Variants in DCTN4 observed in about 807,000 individuals in gnomAD.
The protein encoded by DCTN4 is dynactin 4 (p62).
DCTN4 carries 23 observed loss-of-function variants against 62.7 expected under a neutral mutation model. The observed-to-expected ratio is 0.37, with a 90% CI of 0.26 to 0.52. The LOEUF is 0.52. Among genes scored for constraint, DCTN4 ranks in the 20% least tolerant of loss-of-function variants. DCTN4 has a pLI of 0.92. For synonymous variants in DCTN4, 199 were observed against 202.1 expected, an observed-to-expected ratio of 0.98 and a Z score of 0.13; for missense variants, 514 against 580.4, an observed-to-expected ratio of 0.89 and a Z score of 1.18.
At chr5:150,752,116 T>G (rs1294275945) in intron 3 of DCTN4, among the ~76,000 whole-genome samples, 3 of 152,098 alleles carry the variant, frequency 2.0e-5, no homozygotes, top group African/African-American at 7.2e-5. Flanking sequence ...AAATACGGAG[T>G]TAGTGATGCT....
chr5:150,716,510 T>C (rs578194674), intron 11 of DCTN4, among the ~76,000 whole-genome samples: 56 of 152,258 alleles, frequency 3.7e-4, no homozygotes, highest in Non-Finnish European at 6.0e-4. Flanking sequence ...AATTTCTAAT[T>C]ATAGATACAA....
At chr5:150,745,330 A>G (rs2113117198) in intron 3 of DCTN4, among the ~76,000 whole-genome samples, 1 of 151,578 alleles carries the variant, frequency 6.6e-6, no homozygotes, top group East Asian at 1.9e-4. Context: ...AGACTCCCAC[A>G]CAATAATAAT....
At chr5:150,753,143 G>C (rs957906860) in intron 3 of DCTN4, among the ~76,000 whole-genome samples, 1 of 152,212 alleles carries the variant, frequency 6.6e-6, no homozygotes, top group Admixed American at 6.5e-5. Flanking sequence ...GGGATTACAG[G>C]CGTGAGCCAC....
At chr5:150,744,530 C>A (rs931673533) in intron 3 of DCTN4, among the ~76,000 whole-genome samples, 1 of 152,256 alleles carries the variant, frequency 6.6e-6, no homozygotes, top group Middle Eastern at 3.4e-3. Flanking sequence ...ACTTAAAGGG[C>A]AGCCAGAGAG....
At chr5:150,740,385 TA>T (rs79972006) in intron 4 of DCTN4, among the ~76,000 whole-genome samples, 220 of 142,726 alleles carry the variant, frequency 1.5e-3, no homozygotes, top group Admixed American at 1.4e-3. Flanking sequence ...TGGCCTTAAT[TA>T]AAAAAAAAAA....
intron 9 of DCTN4, 74 bp from the exon 10 acceptor site, chr5:150,719,844 G>A: frequency 1.1e-6 from 1 of 931,128 alleles, no homozygotes; most frequent in Non-Finnish European, 1.7e-6. Context: ...TAAAGCTAGT[G>A]CAGTACATAA....
rs1759549778 is a variant in DCTN4, at chr5:150,711,227, A to G, written c.1305T>C (p.Ile435=). The G allele has an allele frequency of 6.2e-7, 1 of 1,612,914 alleles. No homozygotes were observed. Among genetic ancestry groups the G allele is most frequent in the East Asian group, 2.2e-5 (1 of 44,886 alleles). The part of the protein sequence containing the change: ...FKNLAAPIRP[I]EESDQGTEVI... Reference sequence around the variant, plus strand: ...CTTCTGTTCCCTGGTCACTTTCTTCAATGGGGCGAATGGGGGCTGCCAGGT... The same window carrying G: ...CTTCTGTTCCCTGGTCACTTTCTTCGATGGGGCGAATGGGGGCTGCCAGGT... The change falls in exon 13 of 13, where the codon ATT becomes ATC. Residue 435 remains isoleucine (I), a synonymous_variant. Transcript: ENST00000447998.
Position 150,740,686 on chromosome 5 carries a change from T to C in DCTN4, c.429+1428A>G, listed in dbSNP as rs536045383. Among the ~76,000 whole-genome samples the C allele has an allele frequency of 6.6e-4, 101 of 152,284 alleles. 1 individual carries two copies. The highest frequency in any genetic ancestry group is 2.3e-3 in the African/African-American group (94 of 41,544). On this transcript the variant is annotated intron_variant, in intron 4 of 12. Coordinates refer to ENST00000447998, the MANE Select transcript of DCTN4 (RefSeq NM_016221.4). Reference sequence around the variant, plus strand: ...AATCAATGAGTGGATAAAGAATATGTGGTATGTATACACCATGGAATACTA... The same window carrying C: ...AATCAATGAGTGGATAAAGAATATGCGGTATGTATACACCATGGAATACTA...
At chr5:150,753,040 A>T (rs1048720973) in intron 3 of DCTN4, among the ~76,000 whole-genome samples, 1 of 151,480 alleles carries the variant, frequency 6.6e-6, no homozygotes, top group African/African-American at 2.4e-5. Context: ...TAATTTTTGT[A>T]TTTTTTAGTA....
At chr5:150,731,536 C>T (rs1199471637) in intron 5 of DCTN4, 47 bp from the exon 6 acceptor site, 2 of 1,453,916 alleles carry the variant, frequency 1.4e-6, no homozygotes, top group African/African-American at 1.4e-5. Flanking sequence ...CTTTTACACA[C>T]CCTATTTATC....
rs757533708 is a variant in DCTN4 at position 150,742,150 on chromosome 5, G to A, written c.393C>T (p.Gly131=). The A allele has an allele frequency of 6.1e-5, 98 of 1,613,292 alleles. No individual in the cohort carries two copies. Among genetic ancestry groups the A allele is most frequent in the Non-Finnish European group, 7.9e-5 (93 of 1,179,580 alleles). Residue 131 remains glycine (G), a synonymous_variant, in exon 4 of 13, where the codon GGC becomes GGT. Transcript: ENST00000447998. The part of the protein sequence containing the change: ...VGMADKSVAS[G]GWQEPENPHT... The stretch of plus-strand genomic sequence containing the variant: ...GAGGATTTTCAGGTTCCTGCCAACC[G>A]CCACTAGCTACAAAATAAAAGAATA...
At chr5:150,718,806 T>A (rs1270065862) in intron 10 of DCTN4, among the ~76,000 whole-genome samples, 1 of 152,130 alleles carries the variant, frequency 6.6e-6, no homozygotes, top group African/African-American at 2.4e-5. Flanking sequence ...AAAAACTTTT[T>A]AAAATTTTTA....
intron 12 of DCTN4, among the ~76,000 whole-genome samples, chr5:150,714,765 A>G (rs1314667923): frequency 6.6e-6 from 1 of 152,064 alleles, no homozygotes; most frequent in Non-Finnish European, 1.5e-5. Context: ...CTTTGCCATC[A>G]CGAGATGCCA....
chr5:150,722,321 T>C (rs1170886455), intron 9 of DCTN4, among the ~76,000 whole-genome samples: 1 of 152,208 alleles, frequency 6.6e-6, no homozygotes, highest in Non-Finnish European at 1.5e-5. Context: ...AAAAGTATGA[T>C]GAGATATGAA....
chr5:150,723,263 C>T (rs1249126639), intron 8 of DCTN4, among the ~76,000 whole-genome samples: 1 of 152,154 alleles, frequency 6.6e-6, no homozygotes, highest in Non-Finnish European at 1.5e-5. Context: ...TGCTAAACAA[C>T]GTGCTCACTG....
intron 4 of DCTN4, among the ~76,000 whole-genome samples, chr5:150,740,573 G>C (rs1216250774): frequency 6.6e-6 from 1 of 152,208 alleles, no homozygotes; most frequent in Middle Eastern, 3.4e-3. Flanking sequence ...AGGAAAAGAA[G>C]TCATTACATG....
chr5:150,725,444 T>C (rs1760108649), intron 8 of DCTN4, among the ~76,000 whole-genome samples: 1 of 151,940 alleles, frequency 6.6e-6, no homozygotes, highest in Non-Finnish European at 1.5e-5. Context: ...AATCAACTTC[T>C]GATTCTGTTG....
At chr5:150,720,380 C>A (rs1002005668) in intron 9 of DCTN4, among the ~76,000 whole-genome samples, 25 of 151,408 alleles carry the variant, frequency 1.7e-4, no homozygotes, top group African/African-American at 4.9e-4. Context: ...TCAAAAAAAA[C>A]ACACACACAC....
chr5:150,746,382 C>T (rs1760963470), intron 3 of DCTN4, among the ~76,000 whole-genome samples: 1 of 152,136 alleles, frequency 6.6e-6, no homozygotes, highest in African/African-American at 2.4e-5. Context: ...GGTACCATTC[C>T]TTCTGAAACT....
Sources: allele counts gnomAD v4.1 joint callset (sites outside exome capture counted in the v4.1 genomes callset), GRCh38; gene constraint gnomAD v4.1.1; transcripts MANE v1.5; gene names NCBI Gene and HGNC (gene_info 2026-07-23, HGNC 2026-07-21).